ZNF423: variants seen among roughly 807,000 people sequenced by gnomAD.
The protein encoded by ZNF423 is Ebf-associated zinc finger protein.
In ZNF423, 12 loss-of-function variants were observed where a neutral mutation model predicts 95.8. That is an observed-to-expected ratio of 0.13 (90% CI 0.08 to 0.20). The LOEUF is 0.20. Among genes scored for constraint, ZNF423 ranks in the 10% least tolerant of loss-of-function variants. The pLI is 1.00. For synonymous variants in ZNF423, 749 were observed against 711.9 expected, an observed-to-expected ratio of 1.05 and a Z score of -0.83; for missense variants, 1,316 against 1,737.1, an observed-to-expected ratio of 0.76 and a Z score of 4.31.
At chr16:49,597,790 A>G (rs1432132216) in intron 5 of ZNF423, among the ~76,000 whole-genome samples, 1 of 152,234 alleles carries the variant, frequency 6.6e-6, no homozygotes, top group Non-Finnish European at 1.5e-5. Flanking sequence ...AGAGGGCACA[A>G]TACTCAGAGA....
At chr16:49,537,605 G>A (rs1969099571) in intron 5 of ZNF423, among the ~76,000 whole-genome samples, 3 of 152,104 alleles carry the variant, frequency 2.0e-5, no homozygotes, top group Admixed American at 6.5e-5. Context: ...TCTTCAGTTC[G>A]GCTGAAAAGT....
At position 49,525,514 on chromosome 16, in the gene ZNF423, C is replaced by T. The variant is rs1050745353; in HGVS notation, c.3602-20G>A. 1.2e-6 allele frequency: 2 copies of T among 1,613,610 alleles called. No homozygotes were observed. Among genetic ancestry groups the T allele is most frequent in the Middle Eastern group, 1.6e-4 (1 of 6,062 alleles). ...CTTCCTCTGCAAGGAAAACCCGTGA[C>T]CAGTCAGTGACCAGCATGCCATGTC... On this transcript the variant is annotated intron_variant, in intron 5 of 7. Transcript: ENST00000563137.
chr16:49,628,866 G>A (rs958910469), intron 4 of ZNF423, among the ~76,000 whole-genome samples: 2 of 152,220 alleles, frequency 1.3e-5, no homozygotes, highest in African/African-American at 4.8e-5. Flanking sequence ...AATCCCAGAT[G>A]GTTCTGAAAC....
At chr16:49,671,956 A>T (rs2151926515) in intron 3 of ZNF423, among the ~76,000 whole-genome samples, 1 of 152,274 alleles carries the variant, frequency 6.6e-6, no homozygotes, top group South Asian at 2.1e-4. Flanking sequence ...AAGTGCTAGG[A>T]CTACAGGCGT....
At chr16:49,846,139 T>C (rs1280880508) in intron 1 of ZNF423, among the ~76,000 whole-genome samples, 1 of 151,718 alleles carries the variant, frequency 6.6e-6, no homozygotes, top group Non-Finnish European at 1.5e-5. Flanking sequence ...CCATCTCTAA[T>C]AAAAACACAA....
chr16:49,620,953 G>T (rs1317465687), intron 5 of ZNF423, among the ~76,000 whole-genome samples: 1 of 152,216 alleles, frequency 6.6e-6, no homozygotes, highest in Non-Finnish European at 1.5e-5. Context: ...CAGACCCACT[G>T]CTCCTCCCTT....
At chr16:49,729,237 C>G (rs939091028) in intron 3 of ZNF423, among the ~76,000 whole-genome samples, 1 of 152,152 alleles carries the variant, frequency 6.6e-6, no homozygotes, top group Non-Finnish European at 1.5e-5. Flanking sequence ...TTCATTAGAT[C>G]AATTAGTTGA....
chr16:49,738,321 G>A (rs1472799559), intron 2 of ZNF423, among the ~76,000 whole-genome samples: 1 of 152,092 alleles, frequency 6.6e-6, no homozygotes, highest in African/African-American at 2.4e-5. Context: ...GATACGCTAA[G>A]TAGTAAGGGG....
intron 2 of ZNF423, among the ~76,000 whole-genome samples, chr16:49,733,625 G>C (rs2033219546): frequency 6.6e-6 from 1 of 152,186 alleles, no homozygotes; most frequent in African/African-American, 2.4e-5. Context: ...AGGGAGGGTG[G>C]CTGTGCAGAA....
At chr16:49,771,672 AT>A (rs779983891) in intron 2 of ZNF423, among the ~76,000 whole-genome samples, 6 of 152,156 alleles carry the variant, frequency 3.9e-5, no homozygotes, top group Admixed American at 2.6e-4. Context: ...CTTGGCTCTC[AT>A]TCTGTCTTGC....
At chr16:49,528,679 C>T (rs551843449) in intron 5 of ZNF423, among the ~76,000 whole-genome samples, 3 of 152,112 alleles carry the variant, frequency 2.0e-5, no homozygotes, top group South Asian at 2.1e-4. Context: ...GAAGACGAGG[C>T]CTTCTCCCCA....
rs376323853 is a variant in ZNF423 at position 49,770,528 on chromosome 16, G to A, written c.100+18959C>T. ...AAAAGGAACAAGCCAGCATGTGGTC[G>A]TCATAGGCTCTGAAGGGCAGGATAG... On this transcript the variant is annotated intron_variant, in intron 2 of 7. Transcript: ENST00000563137. 2.3e-3 allele frequency among the ~76,000 whole-genome samples: 353 copies of A among 152,252 alleles called. 16 individuals carry two copies. In the South Asian group the frequency reaches 0.068, roughly 29 times the overall value.
intron 3 of ZNF423, among the ~76,000 whole-genome samples, chr16:49,682,298 G>T (rs1325632611): frequency 6.6e-6 from 1 of 152,046 alleles, no homozygotes; most frequent in Non-Finnish European, 1.5e-5. Context: ...CCTCAAGAAA[G>T]AAAGTGCAAG....
chr16:49,834,398 T>G (rs2035094293), intron 1 of ZNF423, among the ~76,000 whole-genome samples: 2 of 152,182 alleles, frequency 1.3e-5, no homozygotes, highest in African/African-American at 4.8e-5. Flanking sequence ...AATGCACAGA[T>G]GAGGCCCAGA....
chr16:49,796,921 C>T (rs1253481557), intron 1 of ZNF423, among the ~76,000 whole-genome samples: 1 of 152,152 alleles, frequency 6.6e-6, no homozygotes, highest in Non-Finnish European at 1.5e-5. Context: ...ACCAATGGCT[C>T]TCATTTGCAA....
chr16:49,786,567 C>T (rs2034318126), intron 2 of ZNF423, among the ~76,000 whole-genome samples: 1 of 152,214 alleles, frequency 6.6e-6, no homozygotes, highest in Non-Finnish European at 1.5e-5. Context: ...TGCCCTGCAG[C>T]CACCAGGCCT....
intron 3 of ZNF423, among the ~76,000 whole-genome samples, chr16:49,725,781 C>T (rs2032996762): frequency 6.6e-6 from 1 of 152,178 alleles, no homozygotes; most frequent in African/African-American, 2.4e-5. Context: ...GAGGAGGCAA[C>T]ACCTGCTCAC....
At chr16:49,737,755 T>C (rs565974653) in intron 2 of ZNF423, among the ~76,000 whole-genome samples, 1 of 152,306 alleles carries the variant, frequency 6.6e-6, no homozygotes, top group South Asian at 2.1e-4. Flanking sequence ...CGCAAGGTCA[T>C]GAGCCAGGGC....
chr16:49,732,650 G>A (rs918128057), intron 2 of ZNF423, among the ~76,000 whole-genome samples: 6 of 152,336 alleles, frequency 3.9e-5, no homozygotes, highest in East Asian at 1.9e-4. Flanking sequence ...GAGGGCGGGC[G>A]CCAAAGCAAG....
Sources: gnomAD v4.1 joint callset for allele counts (sites outside exome capture counted in the v4.1 genomes callset) on GRCh38, gnomAD v4.1.1 for gene constraint, MANE v1.5 for transcripts, NCBI Gene and HGNC (gene_info 2026-07-23, HGNC 2026-07-21) for gene names.